The following ASB18 variants were observed in gnomAD, a reference collection of about 807,000 sequenced individuals.
The protein encoded by ASB18 is ankyrin repeat and SOCS box containing 18, also known as ankyrin repeat and SOCS box protein 18.
ASB18 carries 33 observed loss-of-function variants against 33.4 expected under a neutral mutation model. The ratio of observed to expected loss-of-function variants is 0.99; its 90% CI spans 0.75 to 1.32. The LOEUF is 1.32. Ranked by LOEUF, ASB18 falls within the 40% of genes most tolerant of loss-of-function variation. The pLI is 0.00. For synonymous variants in ASB18, 295 were observed against 307.6 expected, an observed-to-expected ratio of 0.96 and a Z score of 0.43; for missense variants, 694 against 655.5, an observed-to-expected ratio of 1.06 and a Z score of -0.64.
chr2:236,254,841 G>A (rs1019133158), intron 1 of ASB18, among the ~76,000 whole-genome samples: 1 of 152,106 alleles, frequency 6.6e-6, no homozygotes, highest in Non-Finnish European at 1.5e-5. Context: ...CCCAATGAGG[G>A]TGGTGGGGCC....
intron 3 of ASB18, among the ~76,000 whole-genome samples, chr2:236,230,164 T>C (rs1014015376): frequency 1.2e-4 from 18 of 151,882 alleles, no homozygotes; most frequent in Admixed American, 9.9e-4. Flanking sequence ...AAAATTTAAG[T>C]TAGAAGACAG....
In ASB18 at chr2:236,239,713, C is replaced by G. The variant is rs192807315; in HGVS notation, c.328+1567G>C. Among the ~76,000 whole-genome samples the G allele has an allele frequency of 1.7e-3, 264 of 152,358 alleles. 1 individual carries two copies. The highest frequency in any genetic ancestry group is 6.2e-3 in the African/African-American group (258 of 41,578). ...GTGGTGGCCACTGGGGACCTGCTCC[C>G]TGTACTCAGATCAATCCCTTCCCCA... On this transcript the variant is annotated intron_variant, in intron 2 of 5. Coordinates refer to ENST00000409749, the MANE Select transcript of ASB18 (RefSeq NM_212556.4). The surrounding 1 kb of genome is among the most constrained non-coding windows in gnomAD (Gnocchi z 5.6).
rs1407833754 is a variant in ASB18 at position 236,200,150 on chromosome 2, T to C, written c.1102-3765A>G. 6.6e-6 allele frequency among the ~76,000 whole-genome samples: 1 copy of C among 152,002 alleles called. No homozygotes were observed. The highest frequency in any genetic ancestry group is 1.5e-5 in the Non-Finnish European group (1 of 67,996). On this transcript the variant is annotated intron_variant, in intron 4 of 5. Transcript: ENST00000409749. This position sits in a 1 kb window ranked among gnomAD's most constrained non-coding sequence, Gnocchi z 4.2. ...TCACCTGAGGTCAGGAGTTCGATAC[T>C]AGCCTGGCCAACATGGTGAAGCTCC... is the stretch of plus-strand genomic sequence containing the variant.
intron 4 of ASB18, among the ~76,000 whole-genome samples, chr2:236,210,714 G>A (rs1165517487): frequency 6.6e-6 from 1 of 152,178 alleles, no homozygotes; most frequent in East Asian, 1.9e-4. Flanking sequence ...AAGTGTTCAT[G>A]GACGGGTGTC....
At position 236,208,835 on chromosome 2, in the gene ASB18, A is replaced by C. The variant is rs1246473519; in HGVS notation, c.1101+5527T>G. ...CGCGGCCTCCTTGCTGTCTGCGGAG[A>C]GGCGGCTGCCACATTACTCTGACAT... On this transcript the variant is annotated intron_variant, in intron 4 of 5. Transcript: ENST00000409749. The surrounding 1 kb of genome is among the most constrained non-coding windows in gnomAD (Gnocchi z 7.7). 6.6e-6 allele frequency among the ~76,000 whole-genome samples: 1 copy of C among 152,160 alleles called. No individual in the cohort carries two copies. The highest frequency in any genetic ancestry group is 6.5e-5 in the Admixed American group (1 of 15,282).
chr2:236,202,544 C>G (rs10929165), intron 4 of ASB18, among the ~76,000 whole-genome samples: 25,865 of 151,522 alleles, frequency 0.17, 2,235 homozygotes, highest in South Asian at 0.25. Context: ...ACCTAGGCCT[C>G]ATGCAGTGGC....
Position 236,256,474 on chromosome 2 carries a change from C to T in ASB18, c.205+7667G>A, listed in dbSNP as rs2060692608. Among the ~76,000 whole-genome samples the T allele has an allele frequency of 6.6e-6, 1 of 152,186 alleles. No individual in the cohort carries two copies. The highest frequency in any genetic ancestry group is 2.1e-4 in the South Asian group (1 of 4,832). ...TAGAATCAGGCTACAGAGAGCATGC[C>T]TGCCATTTCCAATTAGTTCCTTCGG... On this transcript the variant is annotated intron_variant, in intron 1 of 5. Transcript: ENST00000409749. The surrounding 1 kb of genome is among the most constrained non-coding windows in gnomAD (Gnocchi z 4.7).
intron 3 of ASB18, among the ~76,000 whole-genome samples, chr2:236,224,185 G>GTTTT (rs1161648778): frequency 1.9e-4 from 13 of 66,770 alleles, no homozygotes; most frequent in East Asian, 4.3e-4. Context: ...GTGTTGTCAG[G>GTTTT]TTTTTTTTTT....
rs116187827 is a variant in ASB18, at chr2:236,195,893, C to T, written c.1215+379G>A. Among the ~76,000 whole-genome samples, 738 of 152,228 alleles carry T rather than the reference C, an allele frequency of 4.8e-3. 9 individuals are homozygous for T. Among genetic ancestry groups the T allele is most frequent in the Non-Finnish European group, 5.8e-3 (392 of 68,028 alleles). On this transcript the variant is annotated intron_variant, in intron 5 of 5. Coordinates refer to ENST00000409749, the MANE Select transcript of ASB18 (RefSeq NM_212556.4). The surrounding 1 kb of genome is among the most constrained non-coding windows in gnomAD (Gnocchi z 5.5). Reference sequence around the variant, plus strand: ...ATGTAATCCCCATAGCTTCCTTGGTCGTATCTTGAGCTGCTGGAGCATGAA... The same window carrying T: ...ATGTAATCCCCATAGCTTCCTTGGTTGTATCTTGAGCTGCTGGAGCATGAA...
In ASB18 at chr2:236,196,916, CT is replaced by C. The variant is rs2060376920; in HGVS notation, c.1102-532del. On this transcript the variant is annotated intron_variant, in intron 4 of 5. Transcript: ENST00000409749. This position sits in a 1 kb window ranked among gnomAD's most constrained non-coding sequence, Gnocchi z 5.6. ...CCCCACTGGCAAAGATTCCTATTGC[CT>C]TATTCACAAATTTATAATTCAAGTC... Among the ~76,000 whole-genome samples the C allele has an allele frequency of 6.6e-6, 1 of 152,298 alleles. No individual in the cohort carries two copies. Among genetic ancestry groups the C allele is most frequent in the Admixed American group, 6.5e-5 (1 of 15,304 alleles).
In ASB18 at chr2:236,264,032, A is replaced by C. The variant is rs2060733957; in HGVS notation, c.205+109T>G. The C allele has an allele frequency of 1.2e-6, 1 of 850,272 alleles. No homozygotes were observed. The highest frequency in any genetic ancestry group is 2.6e-5 in the East Asian group (1 of 37,872). 52.7% of individuals were successfully genotyped at this position (850,272 alleles called of 1,614,324 possible). The stretch of plus-strand genomic sequence containing the variant: ...GTATGAGAGTCAGATATCCGAGTAC[A>C]TATCATTTACTTTTTCCAAACATTT... On this transcript the variant is annotated intron_variant, in intron 1 of 5. Coordinates refer to ENST00000409749, the MANE Select transcript of ASB18 (RefSeq NM_212556.4). This position sits in a 1 kb window ranked among gnomAD's most constrained non-coding sequence, Gnocchi z 5.1.
intron 4 of ASB18, among the ~76,000 whole-genome samples, chr2:236,202,292 T>G (rs758119287): frequency 2.6e-5 from 4 of 151,054 alleles, no homozygotes. Context: ...TTGTTTTAAA[T>G]GTATTTGAGA....
Position 236,263,813 on chromosome 2 carries a change from C to A in ASB18, c.205+328G>T, listed in dbSNP as rs535665286. Among the ~76,000 whole-genome samples, 1 of 151,364 alleles carries A rather than the reference C, an allele frequency of 6.6e-6. No individual in the cohort carries two copies. The highest frequency in any genetic ancestry group is 1.5e-5 in the Non-Finnish European group (1 of 67,814). On this transcript the variant is annotated intron_variant, in intron 1 of 5. Transcript: ENST00000409749. The surrounding 1 kb of genome is among the most constrained non-coding windows in gnomAD (Gnocchi z 4.0). ...TTAGATTTTGTAGATCTCAAGGGAG[C>A]AGAACACACAATTATGTGTATGATA...
rs547619422 is a variant in ASB18 at position 236,261,021 on chromosome 2, A to G, written c.205+3120T>C. On this transcript the variant is annotated intron_variant, in intron 1 of 5. Coordinates refer to ENST00000409749, the MANE Select transcript of ASB18 (RefSeq NM_212556.4). ...TTCCTGAGGTTACACAGCTCAGTGG[A>G]GTAGAGGTTCAATAAATCATCATAA... Among the ~76,000 whole-genome samples, 26 of 152,244 alleles carry G rather than the reference A, an allele frequency of 1.7e-4. 1 individual carries two copies. The highest frequency in any genetic ancestry group is 5.8e-4 in the African/African-American group (24 of 41,540).
intron 4 of ASB18, among the ~76,000 whole-genome samples, chr2:236,210,009 C>T (rs930453204): frequency 2.0e-5 from 3 of 152,174 alleles, no homozygotes; most frequent in Admixed American, 6.5e-5. Context: ...TTGGACCCTG[C>T]CCCCCAGCCA....
rs908466845 is a variant in ASB18 at position 236,244,776 on chromosome 2, C to G, written c.206-3374G>C. Reference sequence around the variant, plus strand: ...AAAGGGAGACCTTTGATTTTCCTTACAAGAGATTGCAGCAAAGGGTGGAGT... The same window carrying G: ...AAAGGGAGACCTTTGATTTTCCTTAGAAGAGATTGCAGCAAAGGGTGGAGT... On this transcript the variant is annotated intron_variant, in intron 1 of 5. Transcript: ENST00000409749. This position sits in a 1 kb window ranked among gnomAD's most constrained non-coding sequence, Gnocchi z 6.1. 6.6e-6 allele frequency among the ~76,000 whole-genome samples: 1 copy of G among 152,158 alleles called. No homozygotes were observed. Among genetic ancestry groups the G allele is most frequent in the Non-Finnish European group, 1.5e-5 (1 of 68,038 alleles).
Position 236,195,487 on chromosome 2 carries a change from A to G in ASB18, c.1216-430T>C, listed in dbSNP as rs936779246. On this transcript the variant is annotated intron_variant, in intron 5 of 5. Coordinates refer to ENST00000409749, the MANE Select transcript of ASB18 (RefSeq NM_212556.4). This position sits in a 1 kb window ranked among gnomAD's most constrained non-coding sequence, Gnocchi z 5.5. ...ATGCACACATGACTCAAGTCAGTGA[A>G]ACAGAAAAAACACACACAACTCTTC... Among the ~76,000 whole-genome samples the G allele has an allele frequency of 6.6e-5, 10 of 151,708 alleles. No individual in the cohort carries two copies. Among genetic ancestry groups the G allele is most frequent in the Non-Finnish European group, 1.0e-4 (7 of 67,970 alleles).
In ASB18 at chr2:236,214,988, A is replaced by C; in HGVS notation, c.597-122T>G. The C allele has an allele frequency of 4.4e-6, 3 of 681,330 alleles. No homozygotes were observed. Among genetic ancestry groups the C allele is most frequent in the Non-Finnish European group, 3.9e-6 (2 of 508,936 alleles). The allele number at this position is 681,330 out of a possible 1,614,324, so 42.2% of individuals were successfully genotyped here. A position where few individuals can be genotyped will look rare whatever the true frequency, so the allele number is the denominator to read the frequency against. Reference sequence around the variant, plus strand: ...ATGAAAAGACATGCTCCGCTCTCCCATACCAAGGCGTCAGGAGTTCAAACT... The same window carrying C: ...ATGAAAAGACATGCTCCGCTCTCCCCTACCAAGGCGTCAGGAGTTCAAACT... On this transcript the variant is annotated intron_variant, in intron 3 of 5. Coordinates refer to ENST00000409749, the MANE Select transcript of ASB18 (RefSeq NM_212556.4). This position sits in a 1 kb window ranked among gnomAD's most constrained non-coding sequence, Gnocchi z 6.5.
rs2060575410 is a variant in ASB18 at position 236,233,297 on chromosome 2, A to G, written c.596+4392T>C. On this transcript the variant is annotated intron_variant, in intron 3 of 5. Transcript: ENST00000409749. The stretch of plus-strand genomic sequence containing the variant: ...ACAGAAGGGAGTTCTGTATCTCTGA[A>G]AAAAGGAATCTGCAAAATTTTACAG... Among the ~76,000 whole-genome samples the G allele has an allele frequency of 2.0e-5, 3 of 152,274 alleles. No homozygotes were observed. In the South Asian group the frequency reaches 6.2e-4, roughly 32 times the overall value.
Sources: gnomAD v4.1 joint callset for allele counts (sites outside exome capture counted in the v4.1 genomes callset) on GRCh38, gnomAD v4.1.1 for gene constraint, Gnocchi (gnomAD v3.1) non-coding constraint, MANE v1.5 for transcripts, NCBI Gene and HGNC (gene_info 2026-07-23, HGNC 2026-07-21) for gene names.